MAF: variants seen among roughly 807,000 people sequenced by gnomAD.
MAF encodes the protein MAF bZIP transcription factor.
A neutral mutation model predicts 22.0 loss-of-function variants in MAF; 10 were observed. That is an observed-to-expected ratio of 0.45 (90% CI 0.28 to 0.77). The LOEUF (loss-of-function observed/expected upper bound fraction) is 0.77. Ranked by LOEUF, MAF falls within the 30% of genes least tolerant of loss-of-function variation. MAF has a pLI of 0.12. For missense variants in MAF, 544 were observed against 548.4 expected (o/e 0.99, Z 0.08); for synonymous variants, 337 against 255.8 (o/e 1.32, Z -3.03).
At chr16:79,447,971 A>G in the MAF span, among the ~76,000 whole-genome samples, 1 of 151,984 alleles carries the variant, frequency 6.6e-6, no homozygotes, top group Non-Finnish European at 1.5e-5. Context: ...GTCTCATAAT[A>G]AAACTTGAAT....
the MAF span, among the ~76,000 whole-genome samples, chr16:79,334,839 G>C: frequency 1.7e-5 from 2 of 116,166 alleles, no homozygotes; most frequent in African/African-American, 7.9e-5. Flanking sequence ...CGTCAATAAA[G>C]TGTGTGTGTG....
the MAF span, among the ~76,000 whole-genome samples, chr16:79,268,424 T>C: frequency 6.6e-6 from 1 of 152,134 alleles, no homozygotes; most frequent in African/African-American, 2.4e-5. Context: ...GTCATAGTAA[T>C]GATGGCACTA....
chr16:79,521,873 A>G, the MAF span, among the ~76,000 whole-genome samples: 1 of 152,244 alleles, frequency 6.6e-6, no homozygotes, highest in African/African-American at 2.4e-5. Flanking sequence ...TGTAATAAAT[A>G]TTAGAATCAT....
the MAF span, among the ~76,000 whole-genome samples, chr16:79,518,324 G>C: frequency 1.3e-5 from 2 of 152,202 alleles, no homozygotes. Context: ...GCTTGCCTGG[G>C]AATTTTGGTG....
At chr16:79,490,153 C>G in the MAF span, among the ~76,000 whole-genome samples, 9 of 152,266 alleles carry the variant, frequency 5.9e-5, no homozygotes, top group East Asian at 1.2e-3. Context: ...AAAGGGCCAA[C>G]GATGACCCAT....
chr16:79,333,952 A>C, the MAF span, among the ~76,000 whole-genome samples: 149,294 of 152,332 alleles, frequency 0.98, 73,227 homozygotes, highest in Non-Finnish European at 1. Flanking sequence ...TGGTGATATA[A>C]CCACGTGTGG....
At chr16:79,283,448 G>C in the MAF span, among the ~76,000 whole-genome samples, 2 of 152,084 alleles carry the variant, frequency 1.3e-5, no homozygotes, top group African/African-American at 4.8e-5. Flanking sequence ...ATAAATCTTT[G>C]TATTTTAAAA....
chr16:79,367,576 G>T, the MAF span, among the ~76,000 whole-genome samples: 1 of 152,202 alleles, frequency 6.6e-6, no homozygotes, highest in South Asian at 2.1e-4. Context: ...TGGCAGCACT[G>T]TCCAATGCAA....
the MAF span, among the ~76,000 whole-genome samples, chr16:79,239,104 T>A: frequency 6.6e-6 from 1 of 152,070 alleles, no homozygotes; most frequent in African/African-American, 2.4e-5. Flanking sequence ...TTGTCCATAG[T>A]CACTGTCCTA....
the MAF span, among the ~76,000 whole-genome samples, chr16:79,370,557 A>T: frequency 2.2e-4 from 34 of 152,250 alleles, no homozygotes; most frequent in African/African-American, 8.2e-4. Context: ...CTGAAGTGGA[A>T]CCAGTGTGTT....
At chr16:79,353,235 C>G in the MAF span, among the ~76,000 whole-genome samples, 1 of 152,100 alleles carries the variant, frequency 6.6e-6, no homozygotes. Context: ...AATTCTCTTG[C>G]CTCAGCCTCC....
At chr16:79,470,942 A>G in the MAF span, among the ~76,000 whole-genome samples, 4 of 152,258 alleles carry the variant, frequency 2.6e-5, no homozygotes, top group Admixed American at 2.6e-4. Context: ...GAAAAGAATG[A>G]ATAAAGTATC....
chr16:79,523,193 C>G, the MAF span, among the ~76,000 whole-genome samples: 182 of 152,256 alleles, frequency 1.2e-3, no homozygotes, highest in African/African-American at 3.9e-3. Context: ...TGTGGCAAAA[C>G]CAAAGGGGCA....
At chr16:79,585,548 C>T (rs1912784695), downstream of MAF, among the ~76,000 whole-genome samples, 1 of 151,438 alleles carries the variant, frequency 6.6e-6, no homozygotes, top group African/African-American at 2.4e-5. Flanking sequence ...TCAGTAGACT[C>T]ACGTTGGATA....
the MAF span, among the ~76,000 whole-genome samples, chr16:79,484,218 C>T: frequency 1.3e-5 from 2 of 152,346 alleles, no homozygotes; most frequent in African/African-American, 4.8e-5. Flanking sequence ...GGCAACCGTC[C>T]AGGTCCCCTG....
At chr16:79,486,989 C>T in the MAF span, among the ~76,000 whole-genome samples, 1 of 152,108 alleles carries the variant, frequency 6.6e-6, no homozygotes, top group Non-Finnish European at 1.5e-5. Flanking sequence ...TTTTGTACAG[C>T]TTAAGTCAGT....
At chr16:79,564,908 C>T in the MAF span, among the ~76,000 whole-genome samples, 1 of 152,204 alleles carries the variant, frequency 6.6e-6, no homozygotes. Context: ...GAATAAAGGG[C>T]TGCACACTCT....
chr16:79,441,643 T>G, the MAF span, among the ~76,000 whole-genome samples: 38 of 152,352 alleles, frequency 2.5e-4, 1 homozygote, highest in African/African-American at 8.9e-4. Context: ...TGACAGTCAT[T>G]CTAAAAAGAC....
chr16:79,541,367 C>T, the MAF span, among the ~76,000 whole-genome samples: 9 of 152,090 alleles, frequency 5.9e-5, no homozygotes, highest in African/African-American at 2.2e-4. Flanking sequence ...TATTTGTACC[C>T]GTAACCCAAA....
Sources: gnomAD v4.1 joint callset for allele counts (sites outside exome capture counted in the v4.1 genomes callset) on GRCh38, gnomAD v4.1.1 for gene constraint, MANE v1.5 for transcripts, NCBI Gene and HGNC (gene_info 2026-07-23, HGNC 2026-07-21) for gene names.